CSMD3: variants seen among roughly 807,000 people sequenced by gnomAD.
The protein encoded by CSMD3 is CUB and Sushi multiple domains 3.
Under a neutral mutation model 435.2 loss-of-function variants are expected in CSMD3, and 177 were observed. That is an observed-to-expected ratio of 0.41 (90% CI 0.36 to 0.46). The LOEUF is 0.46. CSMD3 is among the 20% of genes least tolerant of loss of function. CSMD3 has a pLI of 0.34. For synonymous variants in CSMD3, 1,656 were observed against 1,520.5 expected (o/e 1.09, Z -2.07); for missense variants, 4,265 against 4,504.6 (o/e 0.95, Z 1.52).
At chr8:112,506,483 G>C (rs144851247) in intron 29 of CSMD3, among the ~76,000 whole-genome samples, 1 of 152,038 alleles carries the variant, frequency 6.6e-6, no homozygotes, top group African/African-American at 2.4e-5. Context: ...GCTTCATGCG[G>C]GAAAATGGAG....
intron 3 of CSMD3, among the ~76,000 whole-genome samples, chr8:113,210,239 GT>G (rs1304712289): frequency 6.6e-6 from 1 of 151,886 alleles, no homozygotes; most frequent in Non-Finnish European, 1.5e-5. Context: ...AAATTTCAGC[GT>G]GATCCTGAAG....
chr8:113,246,991 A>C (rs1488891011), intron 3 of CSMD3, among the ~76,000 whole-genome samples: 1 of 152,182 alleles, frequency 6.6e-6, no homozygotes, highest in Non-Finnish European at 1.5e-5. Context: ...GTGGAGGACC[A>C]GAAGTAGTAA....
At chr8:112,699,198 C>T (rs549843564) in intron 13 of CSMD3, among the ~76,000 whole-genome samples, 11 of 152,116 alleles carry the variant, frequency 7.2e-5, no homozygotes, top group Non-Finnish European at 4.4e-5. Context: ...TCTTCGGGTC[C>T]GCAGTACCTT....
At chr8:112,867,083 G>T (rs564746555) in intron 10 of CSMD3, among the ~76,000 whole-genome samples, 4 of 152,058 alleles carry the variant, frequency 2.6e-5, no homozygotes, top group Non-Finnish European at 5.9e-5. Flanking sequence ...ATAAATGTTG[G>T]TACCTAAAGA....
intron 5 of CSMD3, among the ~76,000 whole-genome samples, chr8:113,058,199 T>C (rs1310238867): frequency 6.6e-6 from 1 of 151,910 alleles, no homozygotes; most frequent in East Asian, 1.9e-4. Context: ...CAAGAAAGCT[T>C]TTGAGAATTA....
intron 35 of CSMD3, among the ~76,000 whole-genome samples, chr8:112,403,458 C>T (rs971581531): frequency 1.3e-5 from 2 of 151,814 alleles, no homozygotes; most frequent in African/African-American, 4.8e-5. Context: ...AACAAAATAC[C>T]ATAGATTAGG....
At chr8:112,524,949 G>GT (rs1824710550) in intron 27 of CSMD3, among the ~76,000 whole-genome samples, 1 of 151,594 alleles carries the variant, frequency 6.6e-6, no homozygotes, top group East Asian at 1.9e-4. Context: ...TAAAGAATGT[G>GT]TTTTTTCAAT....
At chr8:113,183,342 C>T (rs180761453) in intron 3 of CSMD3, among the ~76,000 whole-genome samples, 2 of 152,074 alleles carry the variant, frequency 1.3e-5, no homozygotes, top group Admixed American at 6.6e-5. Context: ...TGGCTAAAAC[C>T]ACCCCTGAAA....
At chr8:112,321,965 A>C (rs1823034368) in intron 45 of CSMD3, among the ~76,000 whole-genome samples, 1 of 152,124 alleles carries the variant, frequency 6.6e-6, no homozygotes, top group African/African-American at 2.4e-5. Flanking sequence ...TAAAGAAAAA[A>C]GGTAATTGTA....
At chr8:112,324,852 G>T (rs2130893295) in intron 45 of CSMD3, among the ~76,000 whole-genome samples, 1 of 152,206 alleles carries the variant, frequency 6.6e-6, no homozygotes, top group African/African-American at 2.4e-5. Context: ...GAGAACAAGA[G>T]TGGATAGCAA....
chr8:113,092,453 G>A (rs2090037227), intron 5 of CSMD3, among the ~76,000 whole-genome samples: 1 of 151,868 alleles, frequency 6.6e-6, no homozygotes, highest in African/African-American at 2.4e-5. Flanking sequence ...CCTAAAAATG[G>A]GATTTTAGCT....
intron 32 of CSMD3, among the ~76,000 whole-genome samples, chr8:112,470,350 A>G (rs1818397766): frequency 6.6e-6 from 1 of 152,144 alleles, no homozygotes; most frequent in African/African-American, 2.4e-5. Flanking sequence ...ATGTGAACAT[A>G]AAGAAGAATG....
At chr8:112,537,686 A>G (rs1276777484) in intron 27 of CSMD3, among the ~76,000 whole-genome samples, 2 of 151,950 alleles carry the variant, frequency 1.3e-5, no homozygotes, top group African/African-American at 4.8e-5. Context: ...GAAGAAATAG[A>G]AAACTTGAGC....
At chr8:112,962,891 G>A (rs13439410) in intron 7 of CSMD3, among the ~76,000 whole-genome samples, 2,168 of 151,992 alleles carry the variant, frequency 0.014, 60 homozygotes, top group African/African-American at 0.05. Context: ...TGCATTAGAA[G>A]CACTGGCGTC....
At chr8:112,318,330 TC>T (rs1822668692) in intron 47 of CSMD3, among the ~76,000 whole-genome samples, 1 of 152,044 alleles carries the variant, frequency 6.6e-6, no homozygotes, top group East Asian at 1.9e-4. Flanking sequence ...TGTACAGCTA[TC>T]CCCTGTATGA....
chr8:112,877,038 A>G (rs1239919579), intron 10 of CSMD3, among the ~76,000 whole-genome samples: 1 of 152,160 alleles, frequency 6.6e-6, no homozygotes, highest in Non-Finnish European at 1.5e-5. Flanking sequence ...ATACCTAGGG[A>G]TACAACTTAC....
At chr8:113,026,960 A>G (rs1359066143) in intron 5 of CSMD3, among the ~76,000 whole-genome samples, 1 of 152,184 alleles carries the variant, frequency 6.6e-6, no homozygotes, top group Non-Finnish European at 1.5e-5. Context: ...TCTGCATGGT[A>G]TATATCGAAT....
At chr8:113,374,736 A>G (rs1341576665) in intron 1 of CSMD3, among the ~76,000 whole-genome samples, 1 of 148,982 alleles carries the variant, frequency 6.7e-6, no homozygotes, top group Non-Finnish European at 1.5e-5. Context: ...TGTCGCTTTA[A>G]TTATCTAACT....
chr8:112,342,330 G>A (rs928929989), intron 41 of CSMD3, among the ~76,000 whole-genome samples: 4 of 151,926 alleles, frequency 2.6e-5, no homozygotes, highest in African/African-American at 9.7e-5. Context: ...TAAAATACGA[G>A]ACAGTGAAAT....
Sources: gnomAD v4.1 joint callset for allele counts (sites outside exome capture counted in the v4.1 genomes callset) on GRCh38, gnomAD v4.1.1 for gene constraint, MANE v1.5 for transcripts, NCBI Gene and HGNC (gene_info 2026-07-23, HGNC 2026-07-21) for gene names.